Variants in ABCA12 observed in about 807,000 individuals in gnomAD.
The protein encoded by ABCA12 is ATP binding cassette subfamily A member 12.
A neutral mutation model predicts 293.5 loss-of-function variants in ABCA12; 156 were observed. The ratio of observed to expected loss-of-function variants is 0.53; its 90% CI spans 0.47 to 0.61. ABCA12 has a LOEUF of 0.61. ABCA12 is among the 20% of genes least tolerant of loss of function. The probability of loss-of-function intolerance (pLI) is 0.00; values close to 1 mark genes in which losing one functional copy is unlikely to be tolerated. For synonymous variants in ABCA12, 1,063 were observed against 1,108.0 expected, an observed-to-expected ratio of 0.96 and a Z score of 0.81; for missense variants, 2,797 against 3,090.2, an observed-to-expected ratio of 0.91 and a Z score of 2.25.
intron 10 of ABCA12, 87 bp downstream of exon 10, chr2:215,026,733 T>C: frequency 1.8e-6 from 2 of 1,118,690 alleles, no homozygotes; most frequent in Non-Finnish European, 2.7e-6. Flanking sequence ...TTTTCTTTCC[T>C]GTGTAAGCAA....
chr2:215,122,122 G>C (rs930943440), intron 1 of ABCA12, among the ~76,000 whole-genome samples: 1 of 152,056 alleles, frequency 6.6e-6, no homozygotes, highest in Admixed American at 6.6e-5. Context: ...CAGAAGCAAC[G>C]GATTTTTATC....
chr2:215,138,136 T>C lies in ABCA12; in HGVS notation c.69+4A>G. 6.2e-7 allele frequency: 1 copy of C among 1,614,066 alleles called. No homozygotes were observed. The highest frequency in any genetic ancestry group is 8.5e-7 in the Non-Finnish European group (1 of 1,179,962). On this transcript the variant is annotated splice_donor_region_variant and intron_variant, in intron 1 of 52. Coordinates refer to ENST00000272895, the MANE Select transcript of ABCA12 (RefSeq NM_173076.3). Reference sequence around the variant, plus strand: ...CCATACTCCCACACTTTTTTTTAACTCACCGGCTGCCTTTTTACACCTAGC... The same window carrying C: ...CCATACTCCCACACTTTTTTTTAACCCACCGGCTGCCTTTTTACACCTAGC...
chr2:215,046,125 T>A, intron 6 of ABCA12, 110 bp from the exon 7 acceptor site: 1 of 1,072,678 alleles, frequency 9.3e-7, no homozygotes, highest in Non-Finnish European at 1.4e-6. Context: ...TAAGCAATTC[T>A]TTTAGACCTT....
intron 1 of ABCA12, among the ~76,000 whole-genome samples, chr2:215,126,238 A>T (rs901122133): frequency 6.6e-6 from 1 of 151,910 alleles, no homozygotes; most frequent in African/African-American, 2.4e-5. Flanking sequence ...TTCATCAAGG[A>T]TATTGGTCTG....
chr2:215,026,579 G>C (rs1700749751), intron 10 of ABCA12, among the ~76,000 whole-genome samples: 1 of 152,106 alleles, frequency 6.6e-6, no homozygotes, highest in Non-Finnish European at 1.5e-5. Context: ...CCATTATATG[G>C]CCATTATGTA....
At chr2:214,993,701 A>G (rs1225369866) in intron 23 of ABCA12, among the ~76,000 whole-genome samples, 1 of 152,224 alleles carries the variant, frequency 6.6e-6, no homozygotes, top group Non-Finnish European at 1.5e-5. Flanking sequence ...GACAATGTCA[A>G]TATATTTCCC....
chr2:214,948,202 G>T (rs905433242), intron 47 of ABCA12, among the ~76,000 whole-genome samples: 1 of 152,134 alleles, frequency 6.6e-6, no homozygotes, highest in Non-Finnish European at 1.5e-5. Flanking sequence ...AACCAAAGTG[G>T]AAACGAATCT....
chr2:215,047,858 G>A (rs1430812082), intron 6 of ABCA12, among the ~76,000 whole-genome samples: 1 of 151,678 alleles, frequency 6.6e-6, no homozygotes, highest in East Asian at 1.9e-4. Context: ...GCACAGCAAA[G>A]AAACCATCAA....
chr2:214,993,029 G>C (rs1699958569), intron 23 of ABCA12, among the ~76,000 whole-genome samples: 1 of 151,962 alleles, frequency 6.6e-6, no homozygotes, highest in South Asian at 2.1e-4. Context: ...TGCTCTACGA[G>C]CAAAATAGTG....
intron 35 of ABCA12, 138 bp from the exon 36 acceptor site, chr2:214,974,180 A>T: frequency 1.3e-6 from 1 of 797,466 alleles, no homozygotes; most frequent in South Asian, 1.5e-5. Context: ...TCATAACTTC[A>T]GTGTACATTG....
At chr2:215,068,685 C>T (rs566650372) in intron 2 of ABCA12, among the ~76,000 whole-genome samples, 2 of 152,126 alleles carry the variant, frequency 1.3e-5, no homozygotes, top group South Asian at 2.1e-4. Flanking sequence ...TTCCTCTTTT[C>T]GTTCAATTTC....
At chr2:215,126,531 G>C (rs1453732922) in intron 1 of ABCA12, among the ~76,000 whole-genome samples, 1 of 151,952 alleles carries the variant, frequency 6.6e-6, no homozygotes, top group Non-Finnish European at 1.5e-5. Flanking sequence ...AAGCTAGGAG[G>C]GTTGTATTTT....
Position 215,026,953 on chromosome 2 carries a change from A to C in ABCA12, c.1062-15T>G, listed in dbSNP as rs751205647. 6.6e-7 allele frequency: 1 copy of C among 1,514,542 alleles called. No individual in the cohort carries two copies. The highest frequency in any genetic ancestry group is 1.1e-5 in the South Asian group (1 of 88,864). The allele number at this position is 1,514,542 out of a possible 1,614,324, so 93.8% of individuals were successfully genotyped here. A position where few individuals can be genotyped will look rare whatever the true frequency, so the allele number is the denominator to read the frequency against. ...GAATTAGGAGCCTGCAGAATTAGAA[A>C]AGAATATAGAAATTAAGACATATAA... is the stretch of plus-strand genomic sequence containing the variant. On this transcript the variant is annotated splice_polypyrimidine_tract_variant and intron_variant, in intron 9 of 52. Transcript: ENST00000272895.
intron 8 of ABCA12, among the ~76,000 whole-genome samples, chr2:215,033,611 T>C (rs1700925336): frequency 6.6e-6 from 1 of 152,156 alleles, no homozygotes; most frequent in African/African-American, 2.4e-5. Flanking sequence ...ACTGAGATTT[T>C]ACTTCTTTTT....
chr2:215,117,926 G>A (rs939461337), intron 1 of ABCA12, among the ~76,000 whole-genome samples: 5 of 152,110 alleles, frequency 3.3e-5, no homozygotes, highest in African/African-American at 9.7e-5. Flanking sequence ...TATTGTTTTC[G>A]ATGAAATGTG....
intron 39 of ABCA12, among the ~76,000 whole-genome samples, chr2:214,964,793 C>A (rs868621458): frequency 6.6e-6 from 1 of 152,074 alleles, no homozygotes; most frequent in African/African-American, 2.4e-5. Flanking sequence ...GCGAAAATGG[C>A]CATACTGCCC....
chr2:214,983,545 GA>G, intron 29 of ABCA12, 101 bp downstream of exon 29: 1 of 1,028,422 alleles, frequency 9.7e-7, no homozygotes. Flanking sequence ...TATTTCGTGA[GA>G]AAATATTTCC....
chr2:215,027,624 T>C (rs1700778351), intron 9 of ABCA12, among the ~76,000 whole-genome samples: 1 of 152,168 alleles, frequency 6.6e-6, no homozygotes, highest in South Asian at 2.1e-4. Flanking sequence ...ATGAATAATC[T>C]TTTTTGTGTA....
chr2:214,932,853 T>A (rs1357779958), intron 52 of ABCA12, 112 bp from the exon 53 acceptor site: 2 of 770,816 alleles, frequency 2.6e-6, no homozygotes, highest in African/African-American at 3.4e-5. Context: ...AGCGTGTATA[T>A]ATGTGTATGC....
Sources: gnomAD v4.1 joint callset for allele counts (sites outside exome capture counted in the v4.1 genomes callset) on GRCh38, gnomAD v4.1.1 for gene constraint, MANE v1.5 for transcripts, NCBI Gene and HGNC (gene_info 2026-07-23, HGNC 2026-07-21) for gene names.